DYM: variants seen among roughly 807,000 people sequenced by gnomAD.
DYM encodes dymeclin.
In DYM, 78 loss-of-function variants were observed where a neutral mutation model predicts 93.1. That is an observed-to-expected ratio of 0.84 (90% CI 0.70 to 1.01). The LOEUF (loss-of-function observed/expected upper bound fraction) is 1.01. DYM is among the 50% of genes least tolerant of loss of function. DYM has a pLI of 0.00. For missense variants in DYM, 789 were observed against 845.0 expected (o/e 0.93, Z 0.82); for synonymous variants, 321 against 319.7 (o/e 1.00, Z -0.04).
intron 15 of DYM, among the ~76,000 whole-genome samples, chr18:49,127,314 G>A (rs767571391): frequency 7.9e-5 from 12 of 152,172 alleles, no homozygotes; most frequent in Middle Eastern, 3.2e-3. Flanking sequence ...AATTCTATGC[G>A]AAGTAGTAAT....
At chr18:49,388,547 T>C (rs1188152448) in intron 3 of DYM, among the ~76,000 whole-genome samples, 4 of 151,604 alleles carry the variant, frequency 2.6e-5, no homozygotes, top group Non-Finnish European at 5.9e-5. Flanking sequence ...ATTTTATATA[T>C]AAACACATAA....
intron 13 of DYM, among the ~76,000 whole-genome samples, chr18:49,218,729 C>G (rs1018331416): frequency 7.9e-5 from 12 of 152,030 alleles, no homozygotes; most frequent in Admixed American, 7.2e-4. Flanking sequence ...CACAACATAC[C>G]AGAATCTCTG....
At chr18:49,210,899 A>G (rs977882430) in intron 13 of DYM, among the ~76,000 whole-genome samples, 1 of 152,210 alleles carries the variant, frequency 6.6e-6, no homozygotes, top group Non-Finnish European at 1.5e-5. Context: ...AAGTCTCAAA[A>G]TATGAGGCTG....
At chr18:49,106,040 T>A (rs2080765463) in intron 16 of DYM, among the ~76,000 whole-genome samples, 1 of 152,170 alleles carries the variant, frequency 6.6e-6, no homozygotes, top group Non-Finnish European at 1.5e-5. Context: ...TGTGTGGGAG[T>A]CTAAGTCTCT....
chr18:49,239,395 T>C (rs1385523862), intron 13 of DYM, among the ~76,000 whole-genome samples: 3 of 152,224 alleles, frequency 2.0e-5, no homozygotes, highest in Non-Finnish European at 4.4e-5. Context: ...CTCCTAGCAG[T>C]CTTGTGGCAG....
At chr18:49,219,908 G>A (rs1277020173) in intron 13 of DYM, among the ~76,000 whole-genome samples, 2 of 76,508 alleles carry the variant, frequency 2.6e-5, no homozygotes, top group Non-Finnish European at 8.2e-5. Flanking sequence ...TCTGGCCAGG[G>A]CAATTAGGCA....
chr18:49,414,101 CA>C (rs11287906), intron 2 of DYM, among the ~76,000 whole-genome samples: 142,867 of 152,270 alleles, frequency 0.94, 67,100 homozygotes, highest in East Asian at 1. Context: ...ACTTATATGA[CA>C]ATACCCAGAG....
chr18:49,384,557 T>C (rs1323915253), intron 3 of DYM, among the ~76,000 whole-genome samples: 2 of 142,374 alleles, frequency 1.4e-5, no homozygotes, highest in South Asian at 2.2e-4. Flanking sequence ...ACCCAGGAAG[T>C]GAAGGTTGCA....
intron 1 of DYM, among the ~76,000 whole-genome samples, chr18:49,437,303 T>A (rs2080946042): frequency 6.6e-6 from 1 of 152,208 alleles, no homozygotes; most frequent in Non-Finnish European, 1.5e-5. Context: ...TCTACTCTGC[T>A]ATTCCCACTC....
At chr18:49,229,368 T>C (rs998804660) in intron 13 of DYM, among the ~76,000 whole-genome samples, 1 of 152,176 alleles carries the variant, frequency 6.6e-6, no homozygotes, top group East Asian at 1.9e-4. Flanking sequence ...CAAAACAACA[T>C]ACTTGCAAAG....
At chr18:49,288,885 A>C (rs9962676) in intron 8 of DYM, among the ~76,000 whole-genome samples, 3,834 of 152,288 alleles carry the variant, frequency 0.025, 147 homozygotes, top group African/African-American at 0.086. Context: ...ACTTTATGTG[A>C]TATTTTGTAA....
At chr18:49,223,432 G>T (rs1396027825) in intron 13 of DYM, among the ~76,000 whole-genome samples, 3 of 151,998 alleles carry the variant, frequency 2.0e-5, no homozygotes, top group Non-Finnish European at 1.5e-5. Flanking sequence ...ACCTGCCTCT[G>T]CTCGACTGAA....
chr18:49,070,690 G>A (rs1213261582), intron 17 of DYM, among the ~76,000 whole-genome samples: 1 of 152,202 alleles, frequency 6.6e-6, no homozygotes, highest in Non-Finnish European at 1.5e-5. Flanking sequence ...TTCTTTAAGG[G>A]ACAACCACTA....
chr18:49,104,330 T>C (rs2080534923), intron 16 of DYM, among the ~76,000 whole-genome samples: 1 of 152,226 alleles, frequency 6.6e-6, no homozygotes, highest in East Asian at 1.9e-4. Flanking sequence ...GACGGGGTTT[T>C]CTAGATATAC....
intron 7 of DYM, among the ~76,000 whole-genome samples, chr18:49,332,515 G>A (rs972299556): frequency 7.2e-5 from 11 of 152,150 alleles, no homozygotes; most frequent in African/African-American, 2.7e-4. Flanking sequence ...TAGTAATAAA[G>A]AATCAGTAGA....
intron 16 of DYM, among the ~76,000 whole-genome samples, chr18:49,103,499 C>T (rs1599763705): frequency 6.6e-6 from 1 of 152,178 alleles, no homozygotes; most frequent in Admixed American, 6.5e-5. Context: ...TGTCTATGTC[C>T]TGAATGGTAT....
intron 15 of DYM, among the ~76,000 whole-genome samples, chr18:49,150,312 A>C (rs971861625): frequency 6.6e-6 from 1 of 152,210 alleles, no homozygotes; most frequent in African/African-American, 2.4e-5. Flanking sequence ...CATATGCTGA[A>C]GGCCTAACCC....
At chr18:49,302,362 T>C (rs555228357) in intron 8 of DYM, among the ~76,000 whole-genome samples, 1 of 152,366 alleles carries the variant, frequency 6.6e-6, no homozygotes, top group Non-Finnish European at 1.5e-5. Context: ...TGATTATTAA[T>C]ATTTTTCCAA....
intron 14 of DYM, among the ~76,000 whole-genome samples, chr18:49,191,455 A>T (rs1449087140): frequency 6.6e-6 from 1 of 152,118 alleles, no homozygotes; most frequent in Non-Finnish European, 1.5e-5. Context: ...AAACCTGTAT[A>T]AAAAATCAAA....
Sources: allele counts gnomAD v4.1 joint callset (sites outside exome capture counted in the v4.1 genomes callset), GRCh38; gene constraint gnomAD v4.1.1; transcripts MANE v1.5; gene names NCBI Gene and HGNC (gene_info 2026-07-23, HGNC 2026-07-21).